KCNK2: variants seen among roughly 807,000 people sequenced by gnomAD.
KCNK2 encodes the protein potassium two pore domain channel subfamily K member 2.
KCNK2 carries 21 observed loss-of-function variants against 40.5 expected under a neutral mutation model. The observed-to-expected ratio is 0.52, with a 90% CI of 0.37 to 0.75. The LOEUF (loss-of-function observed/expected upper bound fraction) is 0.75. Among genes scored for constraint, KCNK2 ranks in the 30% least tolerant of loss-of-function variants. The probability of loss-of-function intolerance (pLI) is 0.00; values close to 1 mark genes in which losing one functional copy is unlikely to be tolerated. For synonymous variants in KCNK2, 191 were observed against 202.2 expected (o/e 0.94, Z 0.47); for missense variants, 399 against 531.6 (o/e 0.75, Z 2.45).
chr1:215,016,443 A>G (rs1267861427), intron 1 of KCNK2, among the ~76,000 whole-genome samples: 2 of 152,212 alleles, frequency 1.3e-5, no homozygotes, highest in Non-Finnish European at 2.9e-5. Context: ...AAGCCTAGAA[A>G]TAAATCTACC....
Position 215,134,331 on chromosome 1 carries a change from A to G in KCNK2, c.475+9581A>G, listed in dbSNP as rs61818327. On this transcript the variant is annotated intron_variant, in intron 3 of 6. Coordinates refer to ENST00000444842, the MANE Select transcript of KCNK2 (RefSeq NM_001017425.3). ...ACTCCACATGCTGGTCACAAGTTCG[A>G]GCCTCCCTGGGTTTCATCTGGAGCA... 9.6e-3 allele frequency among the ~76,000 whole-genome samples: 1,467 copies of G among 152,266 alleles called. 22 individuals are homozygous for G. Among genetic ancestry groups the G allele is most frequent in the South Asian group, 0.06 (291 of 4,814 alleles).
At chr1:215,186,733 G>T (rs139781112) in intron 5 of KCNK2, among the ~76,000 whole-genome samples, 2 of 152,094 alleles carry the variant, frequency 1.3e-5, no homozygotes, top group Non-Finnish European at 2.9e-5. Context: ...TTAGTGACTG[G>T]TTACCTTAGT....
At chr1:215,092,630 G>GTA (rs1659736572) in intron 2 of KCNK2, among the ~76,000 whole-genome samples, 1 of 152,160 alleles carries the variant, frequency 6.6e-6, no homozygotes, top group Non-Finnish European at 1.5e-5. Context: ...AACCACTGAT[G>GTA]TGTGCATGGA....
At chr1:215,091,690 G>T (rs181406597) in intron 2 of KCNK2, among the ~76,000 whole-genome samples, 133 of 152,290 alleles carry the variant, frequency 8.7e-4, no homozygotes, top group Middle Eastern at 3.4e-3. Context: ...AAGTAAAGCA[G>T]TGGAGAGGGC....
intron 2 of KCNK2, among the ~76,000 whole-genome samples, chr1:215,110,895 G>A (rs963613535): frequency 1.3e-5 from 2 of 151,980 alleles, no homozygotes; most frequent in African/African-American, 4.8e-5. Context: ...GTTCAGTCTT[G>A]GTGTTGTAGA....
rs538476962 is a variant in KCNK2 at position 215,021,537 on chromosome 1, C to CTTTTTTTTTTTT, written c.34+15597_34+15608dup. 9.3e-5 allele frequency among the ~76,000 whole-genome samples: 9 copies of CTTTTTTTTTTTT among 96,328 alleles called. 1 individual carries two copies. The highest frequency in any genetic ancestry group is 4.0e-4 in the African/African-American group (9 of 22,560). The allele number at this position is 96,328 out of a possible 152,430, so 63.2% of individuals were successfully genotyped here. A position where few individuals can be genotyped will look rare whatever the true frequency, so the allele number is the denominator to read the frequency against. ...TCTCTTCTGGAGCTGGGACAACCAT[C>CTTTTTTTTTTTT]TTTTTTTTTTTTTTTTTTTTTTTTT... On this transcript the variant is annotated intron_variant, in intron 1 of 6. Coordinates refer to the KCNK2 transcript ENST00000391895.
chr1:215,058,229 A>G (rs1658236785), intron 1 of KCNK2, among the ~76,000 whole-genome samples: 1 of 152,108 alleles, frequency 6.6e-6, no homozygotes, highest in Middle Eastern at 3.2e-3. Context: ...TGGTTGGCAG[A>G]GGTCCTCACT....
At chr1:215,189,726 T>G (rs191276826) in intron 5 of KCNK2, among the ~76,000 whole-genome samples, 2 of 152,190 alleles carry the variant, frequency 1.3e-5, no homozygotes, top group Admixed American at 6.5e-5. Flanking sequence ...AAATAGAATT[T>G]ATAACATCAT....
At chr1:215,156,151 A>T (rs4655393) in intron 3 of KCNK2, among the ~76,000 whole-genome samples, 102,100 of 151,800 alleles carry the variant, frequency 0.67, 36,119 homozygotes, top group Non-Finnish European at 0.79. Context: ...GGGAAGATAG[A>T]CATTAAAATG....
intron 2 of KCNK2, among the ~76,000 whole-genome samples, chr1:215,120,405 C>T (rs544304726): frequency 1.3e-5 from 2 of 152,258 alleles, no homozygotes; most frequent in African/African-American, 4.8e-5. Flanking sequence ...TTCCCCATCA[C>T]CTAGTACCAT....
intron 3 of KCNK2, among the ~76,000 whole-genome samples, chr1:215,150,698 T>A (rs551083584): frequency 3.2e-4 from 49 of 152,220 alleles, no homozygotes; most frequent in Non-Finnish European, 6.2e-4. Context: ...GTTTTCCATA[T>A]TTTAATCATG....
At chr1:215,087,966 G>A (rs1659520544) in intron 2 of KCNK2, among the ~76,000 whole-genome samples, 1 of 152,122 alleles carries the variant, frequency 6.6e-6, no homozygotes, top group Admixed American at 6.5e-5. Context: ...AGAAATTTCT[G>A]CATCTGAAAA....
intron 3 of KCNK2, among the ~76,000 whole-genome samples, chr1:215,168,073 A>G (rs1272332052): frequency 1.3e-5 from 2 of 152,228 alleles, no homozygotes; most frequent in Non-Finnish European, 2.9e-5. Flanking sequence ...GACACTTCTC[A>G]AAAGAAGACA....
intron 6 of KCNK2, among the ~76,000 whole-genome samples, chr1:215,216,271 T>C (rs1315460217): frequency 6.6e-6 from 1 of 151,330 alleles, no homozygotes; most frequent in Non-Finnish European, 1.5e-5. Context: ...TGATTTATTG[T>C]AGTCCAGTTT....
intron 1 of KCNK2, among the ~76,000 whole-genome samples, chr1:215,032,760 T>C (rs2841589): frequency 0.85 from 129,573 of 152,030 alleles, 55,510 homozygotes; most frequent in East Asian, 0.99. Flanking sequence ...TATTTTTGCT[T>C]CTCTGTAGGT....
chr1:215,190,977 CTT>C (rs565356034), intron 5 of KCNK2, among the ~76,000 whole-genome samples: 2 of 143,764 alleles, frequency 1.4e-5, no homozygotes, highest in Admixed American at 1.4e-4. Flanking sequence ...TTCTTTCTTT[CTT>C]TTTTTTTTTT....
intron 3 of KCNK2, among the ~76,000 whole-genome samples, chr1:215,154,183 A>G (rs1315570043): frequency 1.3e-5 from 2 of 152,188 alleles, no homozygotes; most frequent in African/African-American, 4.8e-5. Context: ...TGTCTGCCAC[A>G]ATGGTTGAAC....
At chr1:215,146,548 C>T (rs1662424992) in intron 3 of KCNK2, among the ~76,000 whole-genome samples, 1 of 152,128 alleles carries the variant, frequency 6.6e-6, no homozygotes, top group African/African-American at 2.4e-5. Flanking sequence ...TTTGATTTAC[C>T]TACTTTAATC....
chr1:215,175,808 T>C (rs1663942987), intron 5 of KCNK2, among the ~76,000 whole-genome samples: 1 of 152,140 alleles, frequency 6.6e-6, no homozygotes, highest in Non-Finnish European at 1.5e-5. Flanking sequence ...GCTGCATCCA[T>C]GTTGCTGTAA....
Sources: gnomAD v4.1 joint callset for allele counts (sites outside exome capture counted in the v4.1 genomes callset) on GRCh38, gnomAD v4.1.1 for gene constraint, MANE v1.5 for transcripts, NCBI Gene and HGNC (gene_info 2026-07-23, HGNC 2026-07-21) for gene names.